GNL2: variants seen among roughly 807,000 people sequenced by gnomAD.
The protein encoded by GNL2 is G protein nucleolar 2.
GNL2 carries 51 observed loss-of-function variants against 92.3 expected under a neutral mutation model. The observed-to-expected ratio is 0.55, with a 90% CI of 0.44 to 0.70. The LOEUF is 0.70. Among genes scored for constraint, GNL2 ranks in the 30% least tolerant of loss-of-function variants. The pLI is 0.00. For missense variants in GNL2, 844 were observed against 895.6 expected (o/e 0.94, Z 0.74); for synonymous variants, 283 against 300.6 (o/e 0.94, Z 0.61).
intron 14 of GNL2, chr1:37,568,059 T>G: frequency 6.7e-6 from 4 of 593,114 alleles, no homozygotes; most frequent in Non-Finnish European, 1.2e-5. Flanking sequence ...GAACCCTTTC[T>G]AGGAAGTTTC....
intron 3 of GNL2, 137 bp downstream of exon 3, chr1:37,592,575 T>C: frequency 1.7e-6 from 1 of 602,064 alleles, no homozygotes. Flanking sequence ...TTCCCAGTAA[T>C]TCTTCTTATC....
At chr1:37,580,360 A>C (rs146258151) in intron 8 of GNL2, among the ~76,000 whole-genome samples, 1 of 152,370 alleles carries the variant, frequency 6.6e-6, no homozygotes, top group Non-Finnish European at 1.5e-5. Flanking sequence ...ATTCCTCAGA[A>C]TTCAGAAGAC....
chr1:37,591,559 G>A (rs1271337386), intron 3 of GNL2, among the ~76,000 whole-genome samples: 1 of 144,870 alleles, frequency 6.9e-6, no homozygotes, highest in Non-Finnish European at 1.5e-5. Context: ...AGGCTGGAGT[G>A]CAGTGGCACA....
chr1:37,588,779 T>G (rs1643871254), intron 4 of GNL2, among the ~76,000 whole-genome samples: 1 of 152,202 alleles, frequency 6.6e-6, no homozygotes, highest in Non-Finnish European at 1.5e-5. Flanking sequence ...GCGTATCTGA[T>G]CTAACTCCAC....
chr1:37,589,606 G>A (rs150076238), intron 4 of GNL2, among the ~76,000 whole-genome samples: 2 of 152,232 alleles, frequency 1.3e-5, no homozygotes, highest in South Asian at 4.2e-4. Flanking sequence ...CGCCCAGCCT[G>A]AACTATTTAA....
intron 12 of GNL2, among the ~76,000 whole-genome samples, chr1:37,572,255 C>T (rs1409367279): frequency 6.6e-6 from 1 of 152,150 alleles, no homozygotes; most frequent in East Asian, 1.9e-4. Context: ...GTCACACTTC[C>T]TGGCACAGAG....
chr1:37,571,473 TC>T (rs1325869255), intron 12 of GNL2, among the ~76,000 whole-genome samples: 1 of 152,140 alleles, frequency 6.6e-6, no homozygotes, highest in Non-Finnish European at 1.5e-5. Context: ...AGTTTGAAGA[TC>T]CCCAGAGAAA....
chr1:37,574,679 C>G lies in GNL2; in HGVS notation c.1288G>C (p.Gly430Arg). ...DFLEKLAFRT[G>R]KLLKGGEPDL... Reference sequence around the variant, plus strand: ...CGCCGGGTCACCTTTAGTAACTTCCCAGTCCGGAAAGCGAGCTTCTCAAGA... The same window carrying G: ...CGCCGGGTCACCTTTAGTAACTTCCGAGTCCGGAAAGCGAGCTTCTCAAGA... The change falls in exon 11 of 16, where the codon GGG (glycine) becomes CGG (arginine). Residue 430 changes from glycine to arginine, a missense_variant. By Grantham distance (125) the Gly-to-Arg change is moderately radical (BLOSUM62 -2). Coordinates refer to ENST00000373062, the MANE Select transcript of GNL2 (RefSeq NM_013285.3). 2.5e-6 allele frequency: 4 copies of G among 1,613,822 alleles called. No individual in the cohort carries two copies. Among genetic ancestry groups the G allele is most frequent in the Non-Finnish European group, 2.5e-6 (3 of 1,179,920 alleles).
At chr1:37,582,369 T>G in intron 7 of GNL2, 33 bp from the exon 8 acceptor site, 1 of 1,277,946 alleles carries the variant, frequency 7.8e-7, no homozygotes, top group Middle Eastern at 1.9e-4. Context: ...TTTGGTAAAC[T>G]GCAGTACATT....
Position 37,569,199 on chromosome 1 carries a change from TTAA to T in GNL2, c.1517_1519del (p.Ile506del), listed in dbSNP as rs750277637. On this transcript the variant is annotated inframe_deletion, in exon 13 of 16. Transcript: ENST00000373062. ...GTGACTGTTCTCTTCTGTTTCTTCC[TTAA>T]TGATGGATTCTGACCCTTCACCTGC... is the stretch of plus-strand genomic sequence containing the variant. 8 of 1,614,124 alleles carry T rather than the reference TTAA, an allele frequency of 5.0e-6. No homozygotes were observed. The highest frequency in any genetic ancestry group is 6.8e-6 in the Non-Finnish European group (8 of 1,179,966).
chr1:37,567,624 G>A (rs1344114790), intron 15 of GNL2, 49 bp downstream of exon 15: 1 of 1,206,206 alleles, frequency 8.3e-7, no homozygotes, highest in African/African-American at 1.5e-5. Context: ...TTGACAACTG[G>A]AGTTCTAGTT....
intron 1 of GNL2, among the ~76,000 whole-genome samples, chr1:37,595,556 C>A (rs1474047806): frequency 6.6e-6 from 1 of 152,246 alleles, no homozygotes; most frequent in East Asian, 1.9e-4. Context: ...CAGGCGTGCA[C>A]TGAGCCCTCC....
chr1:37,575,731 T>C lies in GNL2; in HGVS notation c.1039-32A>G. 7.6e-7 allele frequency: 1 copy of C among 1,309,872 alleles called. No individual in the cohort carries two copies. The highest frequency in any genetic ancestry group is 1.3e-5 in the South Asian group (1 of 79,464). The allele number at this position is 1,309,872 out of a possible 1,614,324, so 81.1% of individuals were successfully genotyped here. A position where few individuals can be genotyped will look rare whatever the true frequency, so the allele number is the denominator to read the frequency against. On this transcript the variant is annotated intron_variant, in intron 9 of 15. Coordinates refer to ENST00000373062, the MANE Select transcript of GNL2 (RefSeq NM_013285.3). This position sits in a 1 kb window ranked among gnomAD's most constrained non-coding sequence, Gnocchi z 4.1. ...TCAGAAAAAAGTCAGAGATGTCCTGTATCAAACACTAAGAGTCTAATTTCA... is the reference window on the plus strand; with the variant it reads ...TCAGAAAAAAGTCAGAGATGTCCTGCATCAAACACTAAGAGTCTAATTTCA...
chr1:37,583,728 T>C (rs1211126144), intron 6 of GNL2, 139 bp downstream of exon 6: 2 of 578,052 alleles, frequency 3.5e-6, no homozygotes, highest in Non-Finnish European at 6.2e-6. Flanking sequence ...CGAGTTTCTT[T>C]GTAGGAGGAA....
rs1414528672 is a variant in GNL2 at position 37,566,947 on chromosome 1, G to A, written c.2104C>T (p.His702Tyr). Residue 702 changes from histidine to tyrosine, a missense_variant, in exon 16 of 16, where the codon CAC (histidine) becomes TAC (tyrosine). By Grantham distance (83) the His-to-Tyr change is moderately conservative. Transcript: ENST00000373062. ...TTCCTGTTCCTATTTTTCACGTTGT[G>A]TGTTTCATAGTAGCGCACACCAACT... is the stretch of plus-strand genomic sequence containing the variant. ...KKVGVRYYET[H>Y]NVKNRNRNKK... is the part of the protein sequence containing the mutation. The A allele has an allele frequency of 5.0e-6, 8 of 1,613,922 alleles. No individual in the cohort carries two copies. In the East Asian group the frequency reaches 1.8e-4, roughly 36 times the overall value.
chr1:37,578,209 T>G (rs968991231), intron 8 of GNL2, among the ~76,000 whole-genome samples: 4 of 151,968 alleles, frequency 2.6e-5, no homozygotes, highest in African/African-American at 9.7e-5. Flanking sequence ...GAGGCTGAGG[T>G]GGGCAGATCA....
chr1:37,588,670 C>T (rs186716782), intron 4 of GNL2, among the ~76,000 whole-genome samples: 23 of 152,188 alleles, frequency 1.5e-4, no homozygotes, highest in Admixed American at 1.4e-3. Flanking sequence ...AAGTATAACA[C>T]AGTAATATAC....
chr1:37,594,834 C>G (rs1643911574), intron 1 of GNL2, among the ~76,000 whole-genome samples: 1 of 152,242 alleles, frequency 6.6e-6, no homozygotes, highest in Non-Finnish European at 1.5e-5. Context: ...AGCCACCACA[C>G]CTGGCCAGGA....
rs552435323 is a variant in GNL2, at chr1:37,583,915, C to T, written c.588G>A (p.Glu196=). ...TTTTGGACTGTCCCTTTTTATAGATCTCTTCTTGAGCTTCATTTCTAAATA... is the reference window on the plus strand; with the variant it reads ...TTTTGGACTGTCCCTTTTTATAGATTTCTTCTTGAGCTTCATTTCTAAATA... ...DTGVRNEAQE[E]IYKKGQSKRI... Residue 196 remains glutamate, a synonymous_variant, in exon 6 of 16, where the codon GAG becomes GAA. Transcript: ENST00000373062. The T allele has an allele frequency of 4.4e-6, 7 of 1,580,728 alleles. 1 individual carries two copies. Among genetic ancestry groups the T allele is most frequent in the South Asian group, 3.3e-5 (3 of 90,524 alleles).
Sources: allele counts gnomAD v4.1 joint callset (sites outside exome capture counted in the v4.1 genomes callset), GRCh38; gene constraint gnomAD v4.1.1; non-coding constraint Gnocchi (gnomAD v3.1); transcripts MANE v1.5; gene names NCBI Gene and HGNC (gene_info 2026-07-23, HGNC 2026-07-21).